The following TPCN1 variants were observed in gnomAD, a reference collection of about 807,000 sequenced individuals.
TPCN1 encodes two pore channel protein 1.
TPCN1 carries 52 observed loss-of-function variants against 108.8 expected under a neutral mutation model. The observed-to-expected ratio is 0.48, with a 90% CI of 0.38 to 0.60. The LOEUF (loss-of-function observed/expected upper bound fraction) is 0.60. Ranked by LOEUF, TPCN1 falls within the 20% of genes least tolerant of loss-of-function variation. TPCN1 has a pLI of 0.00. For missense variants in TPCN1, 806 were observed against 1,072.8 expected (o/e 0.75, Z 3.47); for synonymous variants, 446 against 433.7 (o/e 1.03, Z -0.35).
At position 113,296,858 on chromosome 12, in the gene TPCN1, C is replaced by G. The variant is rs1285449211; in HGVS notation, c.*782C>G. 2 of 152,248 alleles carry G rather than the reference C, an allele frequency of 1.3e-5. No individual in the cohort carries two copies. The highest frequency in any genetic ancestry group is 4.8e-5 in the African/African-American group (2 of 41,448). The allele number at this position is 152,248 out of a possible 1,614,324, so 9.4% of individuals were successfully genotyped here. ...CAGGAAGTGGGGCCGATGTCTGCAA[C>G]CCAGACCACTTCGTGGAATGGGCTC... On this transcript the variant is annotated 3_prime_UTR_variant, in exon 28 of 28. Coordinates refer to ENST00000335509, the MANE Select transcript of TPCN1 (RefSeq NM_017901.6).
At position 113,273,514 on chromosome 12, in the gene TPCN1, T is replaced by C. The variant is rs570251736; in HGVS notation, c.843-55T>C. On this transcript the variant is annotated intron_variant, in intron 9 of 27. Transcript: ENST00000335509. This position sits in a 1 kb window ranked among gnomAD's most constrained non-coding sequence, Gnocchi z 4.0. ...GCTGTCCTCTGCAAGGCATGTGCTC[T>C]GAGAGGATGGAGACAGGCAGATACA... is the stretch of plus-strand genomic sequence containing the variant. The C allele has an allele frequency of 2.1e-5, 30 of 1,429,112 alleles. No individual in the cohort carries two copies. Among genetic ancestry groups the C allele is most frequent in the Non-Finnish European group, 2.9e-5 (29 of 1,012,040 alleles). The allele number at this position is 1,429,112 out of a possible 1,614,324, so 88.5% of individuals were successfully genotyped here.
intron 19 of TPCN1, 188 bp downstream of exon 19, chr12:113,287,282 C>A: frequency 1.7e-6 from 1 of 586,412 alleles, no homozygotes; most frequent in Non-Finnish European, 3.0e-6. Context: ...TGCCTGTGCC[C>A]TTCCCCTCAC....
chr12:113,269,552 C>G lies in TPCN1; in HGVS notation c.660-205C>G, dbSNP rs1280404543. Among the ~76,000 whole-genome samples, 1 of 152,172 alleles carries G rather than the reference C, an allele frequency of 6.6e-6. No individual in the cohort carries two copies. Among genetic ancestry groups the G allele is most frequent in the East Asian group, 1.9e-4 (1 of 5,192 alleles). On this transcript the variant is annotated intron_variant, in intron 6 of 27. Coordinates refer to ENST00000335509, the MANE Select transcript of TPCN1 (RefSeq NM_017901.6). This position sits in a 1 kb window ranked among gnomAD's most constrained non-coding sequence, Gnocchi z 5.0. The stretch of plus-strand genomic sequence containing the variant: ...CTCACCAGGTGGAGGTGGCTGTGTG[C>G]TACGCCTGCCCTAGTTCTTCCCTGC...
At chr12:113,260,824 A>G (rs1339922099) in intron 3 of TPCN1, among the ~76,000 whole-genome samples, 1 of 152,200 alleles carries the variant, frequency 6.6e-6, no homozygotes, top group East Asian at 1.9e-4. Context: ...TACATACTGA[A>G]TGCGGTAGCT....
In TPCN1 at chr12:113,277,256, C is replaced by T; in HGVS notation, c.1076C>T (p.Ser359Phe). 6.2e-7 allele frequency: 1 copy of T among 1,613,696 alleles called. No individual in the cohort carries two copies. Among genetic ancestry groups the T allele is most frequent in the Non-Finnish European group, 8.5e-7 (1 of 1,179,768 alleles). The change falls in exon 12 of 28, where the codon TCC (serine) becomes TTC (phenylalanine). Residue 359 changes from serine (S) to phenylalanine (F), a missense_variant. Ser to Phe is a radical substitution (Grantham distance 155). Transcript: ENST00000335509. Reference protein sequence around the residue: ...LISQRRPAGISYRQFEGLMRF... With the variant: ...LISQRRPAGIFYRQFEGLMRF... Reference sequence around the variant, plus strand: ...CTCCCCCAGAGGCCTGCCGGCATCTCCTACAGGCAGTTTGAAGGCCTCATG... The same window carrying T: ...CTCCCCCAGAGGCCTGCCGGCATCTTCTACAGGCAGTTTGAAGGCCTCATG...
At chr12:113,280,022 G>C (rs75502489) in intron 14 of TPCN1, 129 bp from the exon 15 acceptor site, 9,071 of 691,746 alleles carry the variant, frequency 0.013, 248 homozygotes, top group East Asian at 0.07. Context: ...TAAAGACCAT[G>C]CTTACCTGCA....
Position 113,284,883 on chromosome 12 carries a change from A to G in TPCN1, c.1453+112A>G. ...CTCTAAAACAGGAAGCTATAAAGAG[A>G]CGGAGTAATCAGTCTGATTCCATCT... On this transcript the variant is annotated intron_variant, in intron 17 of 27. Coordinates refer to ENST00000335509, the MANE Select transcript of TPCN1 (RefSeq NM_017901.6). This position sits in a 1 kb window ranked among gnomAD's most constrained non-coding sequence, Gnocchi z 4.1. 1.6e-6 allele frequency: 2 copies of G among 1,232,974 alleles called. No individual in the cohort carries two copies. The highest frequency in any genetic ancestry group is 2.4e-6 in the Non-Finnish European group (2 of 842,890). 76.4% of individuals were successfully genotyped at this position (1,232,974 alleles called of 1,614,324 possible).
At chr12:113,290,450 T>C (rs576028139) in intron 22 of TPCN1, among the ~76,000 whole-genome samples, 1 of 152,318 alleles carries the variant, frequency 6.6e-6, no homozygotes, top group African/African-American at 2.4e-5. Context: ...CTGATTCCAC[T>C]CTTTCCTGAT....
intron 14 of TPCN1, among the ~76,000 whole-genome samples, chr12:113,279,215 A>G (rs1316301805): frequency 2.0e-5 from 3 of 150,378 alleles, no homozygotes; most frequent in Non-Finnish European, 4.4e-5. Flanking sequence ...CCTCTGTGCC[A>G]TTTTTCTATG....
intron 14 of TPCN1, 55 bp from the exon 15 acceptor site, chr12:113,280,096 A>G (rs61943635): frequency 0.085 from 114,561 of 1,348,082 alleles, 6,162 homozygotes; most frequent in East Asian, 0.23. Flanking sequence ...TTAAGGATAC[A>G]GTAGGGGGAA....
intron 3 of TPCN1, among the ~76,000 whole-genome samples, chr12:113,261,504 G>A (rs929882568): frequency 7.1e-6 from 1 of 140,154 alleles, no homozygotes; most frequent in Non-Finnish European, 1.5e-5. Flanking sequence ...TCTCGGCTCA[G>A]TGCAACCTCT....
At chr12:113,279,392 T>TATATATATATATA (rs1382784794) in intron 14 of TPCN1, among the ~76,000 whole-genome samples, 1 of 21,446 alleles carries the variant, frequency 4.7e-5, no homozygotes, top group East Asian at 1.3e-3. Context: ...TATATATATA[T>TATATATATATATA]TTTTTTTTTT....
intron 3 of TPCN1, among the ~76,000 whole-genome samples, chr12:113,263,386 A>G (rs1042776644): frequency 6.6e-6 from 1 of 152,134 alleles, no homozygotes; most frequent in Non-Finnish European, 1.5e-5. Flanking sequence ...TCAGCCACCC[A>G]GGTAGCTGGA....
In TPCN1 at chr12:113,231,126, C is replaced by G. The variant is rs1486163109; in HGVS notation, c.112+4162C>G. ...AAGCTTTCTAAGGCTGAGTCACCAT[C>G]AAGCCTGGCCTTTGTTTTGGCCCAG... is the stretch of plus-strand genomic sequence containing the variant. On this transcript the variant is annotated intron_variant, in intron 2 of 27. Transcript: ENST00000335509. The surrounding 1 kb of genome is among the most constrained non-coding windows in gnomAD (Gnocchi z 4.3). Among the ~76,000 whole-genome samples the G allele has an allele frequency of 6.6e-6, 1 of 152,258 alleles. No homozygotes were observed. Among genetic ancestry groups the G allele is most frequent in the Non-Finnish European group, 1.5e-5 (1 of 68,046 alleles).
At position 113,297,803 on chromosome 12, in the gene TPCN1, C is replaced by G. The variant is rs979913540; in HGVS notation, c.*1727C>G. The G allele has an allele frequency of 6.6e-6, 1 of 152,340 alleles. No individual in the cohort carries two copies. Among genetic ancestry groups the G allele is most frequent in the African/African-American group, 2.4e-5 (1 of 41,456 alleles). The allele number at this position is 152,340 out of a possible 1,614,324, so 9.4% of individuals were successfully genotyped here. ...CCCCAGGCCAGAACCCCCTCCCTTT[C>G]ACAGAGAGGGAACTTTATTGCACAA... On this transcript the variant is annotated 3_prime_UTR_variant, in exon 28 of 28. Coordinates refer to ENST00000335509, the MANE Select transcript of TPCN1 (RefSeq NM_017901.6). This position sits in a 1 kb window ranked among gnomAD's most constrained non-coding sequence, Gnocchi z 4.4.
intron 13 of TPCN1, 90 bp from the exon 14 acceptor site, chr12:113,278,681 GT>G (rs1436091136): frequency 2.9e-6 from 3 of 1,024,070 alleles, no homozygotes; most frequent in Non-Finnish European, 3.1e-6. Flanking sequence ...GTTTAGCAGG[GT>G]GAACAGGAAA....
At position 113,266,131 on chromosome 12, in the gene TPCN1, T is replaced by C; in HGVS notation, c.238-49T>C. The C allele has an allele frequency of 6.2e-7, 1 of 1,601,076 alleles. No individual in the cohort carries two copies. Among genetic ancestry groups the C allele is most frequent in the African/African-American group, 1.3e-5 (1 of 74,864 alleles). ...CCCTGCCCGCGGCTCCTCTTTGGCG[T>C]TGGATGGGTCTCCAGGCTTACATGC... On this transcript the variant is annotated intron_variant, in intron 3 of 27. Transcript: ENST00000335509. The surrounding 1 kb of genome is among the most constrained non-coding windows in gnomAD (Gnocchi z 4.2).
chr12:113,258,474 GAAGA>G (rs1406978686), intron 2 of TPCN1, among the ~76,000 whole-genome samples: 1 of 151,604 alleles, frequency 6.6e-6, no homozygotes, highest in Non-Finnish European at 1.5e-5. Flanking sequence ...TCAAAAAAAG[GAAGA>G]AAGAAAAAAC....
Position 113,290,181 on chromosome 12 carries a change from G to A in TPCN1, c.1850G>A (p.Arg617Lys), listed in dbSNP as rs1406211408. ...TGGCGCAACCACACCGTGGGCAACA[G>A]GACCGTGGTGGAGGAAGGCTACTAT... ...YRWRNHTVGN[R>K]TVVEEGYYYL... Residue 617 changes from arginine (R) to lysine (K), a missense_variant, in exon 22 of 28, where the codon AGG becomes AAG. Physicochemically the swap from Arg to Lys is conservative, Grantham distance 26. Transcript: ENST00000335509. 6.8e-6 allele frequency: 11 copies of A among 1,607,898 alleles called. No individual in the cohort carries two copies. The highest frequency in any genetic ancestry group is 9.3e-6 in the Non-Finnish European group (11 of 1,177,012).
Sources: allele counts gnomAD v4.1 joint callset (sites outside exome capture counted in the v4.1 genomes callset), GRCh38; gene constraint gnomAD v4.1.1; non-coding constraint Gnocchi (gnomAD v3.1); transcripts MANE v1.5; gene names NCBI Gene and HGNC (gene_info 2026-07-23, HGNC 2026-07-21).